The following PALLD variants were observed in gnomAD, a reference collection of about 807,000 sequenced individuals.
PALLD encodes palladin, cytoskeletal associated protein.
PALLD carries 61 observed loss-of-function variants against 123.5 expected under a neutral mutation model. The observed-to-expected ratio is 0.49, with a 90% CI of 0.40 to 0.61. PALLD has a LOEUF of 0.61. PALLD is among the 20% of genes least tolerant of loss of function. PALLD has a pLI of 0.00. For missense variants in PALLD, 1,273 were observed against 1,377.0 expected (o/e 0.92, Z 1.20); for synonymous variants, 465 against 496.4 (o/e 0.94, Z 0.84).
intron 10 of PALLD, among the ~76,000 whole-genome samples, chr4:168,879,497 A>G (rs1236400586): frequency 1.3e-5 from 2 of 152,210 alleles, no homozygotes; most frequent in Non-Finnish European, 2.9e-5. Context: ...AAGGAACTCT[A>G]CTAAACAGTA....
chr4:168,701,442 C>A (rs192997893), intron 8 of PALLD, among the ~76,000 whole-genome samples: 4 of 152,272 alleles, frequency 2.6e-5, no homozygotes, highest in Admixed American at 2.0e-4. Context: ...ATTAAGAGAG[C>A]CCTCTGATTT....
At position 168,549,314 on chromosome 4, in the gene PALLD, G is replaced by T. The variant is rs556793950; in HGVS notation, c.908+36902G>T. ...CAGCGTCTAAACCAAAAGCATAAGG[G>T]CAGTGAATGCAAAACAGATGTTCAT... On this transcript the variant is annotated intron_variant, in intron 2 of 21. Transcript: ENST00000505667. 1.8e-3 allele frequency among the ~76,000 whole-genome samples: 280 copies of T among 151,460 alleles called. 2 individuals are homozygous for T. Among genetic ancestry groups the T allele is most frequent in the Non-Finnish European group, 2.8e-3 (191 of 67,910 alleles).
intron 10 of PALLD, among the ~76,000 whole-genome samples, chr4:168,834,359 G>A (rs1744797733): frequency 6.6e-6 from 1 of 152,122 alleles, no homozygotes; most frequent in Admixed American, 6.5e-5. Context: ...ACAATAAACA[G>A]GTGTCCTACT....
chr4:168,892,759 T>C (rs1482167773), intron 11 of PALLD, among the ~76,000 whole-genome samples: 1 of 152,038 alleles, frequency 6.6e-6, no homozygotes, highest in Non-Finnish European at 1.5e-5. Flanking sequence ...TCTATGTCAA[T>C]GTTCCTTATG....
At chr4:168,761,954 C>G (rs1733001890) in intron 10 of PALLD, among the ~76,000 whole-genome samples, 1 of 152,000 alleles carries the variant, frequency 6.6e-6, no homozygotes, top group South Asian at 2.1e-4. Context: ...TATTCTTCTC[C>G]AAACTCAGTC....
chr4:168,612,601 G>C (rs1773846784), intron 2 of PALLD, among the ~76,000 whole-genome samples: 4 of 152,012 alleles, frequency 2.6e-5, no homozygotes, highest in African/African-American at 9.7e-5. Context: ...TGGGACATTT[G>C]CCCCCAAACG....
intron 2 of PALLD, among the ~76,000 whole-genome samples, chr4:168,615,086 A>G (rs556177908): frequency 6.6e-6 from 1 of 152,266 alleles, no homozygotes. Context: ...ACTGCTGTAT[A>G]CAGGGTTTAG....
intron 2 of PALLD, among the ~76,000 whole-genome samples, chr4:168,621,644 T>C (rs1225452688): frequency 6.6e-6 from 1 of 152,218 alleles, no homozygotes; most frequent in Non-Finnish European, 1.5e-5. Context: ...TGTTTTGGTA[T>C]GTAAGTCCCT....
chr4:168,581,969 C>A (rs1770330405), intron 2 of PALLD, among the ~76,000 whole-genome samples: 1 of 152,012 alleles, frequency 6.6e-6, no homozygotes, highest in Non-Finnish European at 1.5e-5. Context: ...CCTTCTTCTG[C>A]ATATAAATAT....
intron 9 of PALLD, among the ~76,000 whole-genome samples, chr4:168,711,345 G>T (rs1190566894): frequency 1.3e-5 from 2 of 152,166 alleles, no homozygotes; most frequent in East Asian, 3.9e-4. Flanking sequence ...CGGTAGCTGG[G>T]TTCCCCAAAT....
At chr4:168,898,456 G>C (rs1291567489) in intron 13 of PALLD, 37 bp from the exon 14 acceptor site, 1 of 1,311,626 alleles carries the variant, frequency 7.6e-7, no homozygotes, top group Non-Finnish European at 1.1e-6. Flanking sequence ...TTGTCAGAAG[G>C]GATTGAGTCT....
At chr4:168,612,276 C>T (rs1195829907) in intron 2 of PALLD, among the ~76,000 whole-genome samples, 3 of 150,094 alleles carry the variant, frequency 2.0e-5, no homozygotes, top group Non-Finnish European at 4.4e-5. Flanking sequence ...AAAAAATGCT[C>T]ATCTTATAAT....
chr4:168,833,096 C>T (rs1744551228), intron 10 of PALLD, among the ~76,000 whole-genome samples: 2 of 152,166 alleles, frequency 1.3e-5, no homozygotes, highest in South Asian at 4.1e-4. Flanking sequence ...GGGGGCTTCC[C>T]GCCCGTTTGT....
At chr4:168,883,475 C>A (rs181957765) in intron 10 of PALLD, among the ~76,000 whole-genome samples, 1 of 152,292 alleles carries the variant, frequency 6.6e-6, no homozygotes, top group East Asian at 1.9e-4. Flanking sequence ...TAGTTAAATT[C>A]TCTGGTTGAT....
rs940096416 is a variant in PALLD at position 168,878,453 on chromosome 4, C to T, written c.1965-12469C>T. ...CCCTCCGCCTCGGGTCGCCCTGGGACTCCCACATCTCCATACACGCGCTCC... is the reference window on the plus strand; with the variant it reads ...CCCTCCGCCTCGGGTCGCCCTGGGATTCCCACATCTCCATACACGCGCTCC... On this transcript the variant is annotated intron_variant, in intron 10 of 21. Transcript: ENST00000505667. 185 of 1,288,120 alleles carry T rather than the reference C, an allele frequency of 1.4e-4. 1 individual carries two copies. The highest frequency in any genetic ancestry group is 1.7e-4 in the Admixed American group (6 of 34,748). The allele number at this position is 1,288,120 out of a possible 1,614,324, so 79.8% of individuals were successfully genotyped here. A position where few individuals can be genotyped will look rare whatever the true frequency, so the allele number is the denominator to read the frequency against.
intron 10 of PALLD, chr4:168,832,130 C>A (rs1744319019): frequency 3.1e-6 from 3 of 983,022 alleles, no homozygotes; most frequent in Non-Finnish European, 3.6e-6. Flanking sequence ...TCGCTCCGGA[C>A]GCGGAATCGG....
intron 2 of PALLD, among the ~76,000 whole-genome samples, chr4:168,549,565 T>G (rs1230515538): frequency 6.6e-6 from 1 of 152,202 alleles, no homozygotes; most frequent in Non-Finnish European, 1.5e-5. Context: ...ATCTTGACAT[T>G]TTTAACCCAG....
At chr4:168,838,667 C>CTTTTTTTTTTTTTTTTT (rs70961558) in intron 10 of PALLD, among the ~76,000 whole-genome samples, 1 of 88,782 alleles carries the variant, frequency 1.1e-5, no homozygotes, top group Non-Finnish European at 2.1e-5. Flanking sequence ...CTTCTAACTC[C>CTTTTTTTTTTTTTTTTT]TTTTTTTTTT....
intron 2 of PALLD, among the ~76,000 whole-genome samples, chr4:168,561,192 T>C (rs1767824995): frequency 6.6e-6 from 1 of 152,068 alleles, no homozygotes; most frequent in South Asian, 2.1e-4. Flanking sequence ...ACCCCTTCCT[T>C]TCCCAAAGTT....
Sources: gnomAD v4.1 joint callset for allele counts (sites outside exome capture counted in the v4.1 genomes callset) on GRCh38, gnomAD v4.1.1 for gene constraint, MANE v1.5 for transcripts, NCBI Gene and HGNC (gene_info 2026-07-23, HGNC 2026-07-21) for gene names.